IFT25: variants seen among roughly 807,000 people sequenced by gnomAD.
The protein encoded by IFT25 is intraflagellar transport protein 25 homolog.
the IFT25 span, among the ~76,000 whole-genome samples, chr1:53,917,885 C>T: frequency 4.6e-5 from 7 of 151,616 alleles, no homozygotes; most frequent in South Asian, 2.1e-4. Context: ...GCATCCATCA[C>T]GATCCACACA....
the IFT25 span, among the ~76,000 whole-genome samples, chr1:53,941,078 T>G: frequency 6.6e-6 from 1 of 152,104 alleles, no homozygotes; most frequent in Non-Finnish European, 1.5e-5. Context: ...CACTGCAACC[T>G]CTGCCTTCCG....
chr1:53,917,731 G>A, the IFT25 span, among the ~76,000 whole-genome samples: 2 of 152,084 alleles, frequency 1.3e-5, no homozygotes, highest in African/African-American at 4.8e-5. Flanking sequence ...GGAGGCTGAG[G>A]CAGGATAATT....
the IFT25 span, among the ~76,000 whole-genome samples, chr1:53,943,245 G>A: frequency 6.6e-6 from 1 of 152,144 alleles, no homozygotes; most frequent in Non-Finnish European, 1.5e-5. Context: ...ATGGAAGAAG[G>A]CAAAGAAATC....
the IFT25 span, chr1:53,928,661 A>G: frequency 9.0e-6 from 4 of 444,164 alleles, no homozygotes; most frequent in Non-Finnish European, 1.6e-5. Context: ...CATACAACAC[A>G]GAGCAAGTAG....
chr1:53,911,865 C>T, the IFT25 span, among the ~76,000 whole-genome samples: 1 of 152,178 alleles, frequency 6.6e-6, no homozygotes, highest in Non-Finnish European at 1.5e-5. Context: ...GCACTCAGAA[C>T]TGTGCCTGAC....
chr1:53,937,105 G>A, the IFT25 span, among the ~76,000 whole-genome samples: 12 of 152,140 alleles, frequency 7.9e-5, no homozygotes, highest in African/African-American at 1.4e-4. Context: ...TAAAGCAACT[G>A]TGAACAGAAA....
At chr1:53,942,426 G>A in the IFT25 span, among the ~76,000 whole-genome samples, 2 of 152,200 alleles carry the variant, frequency 1.3e-5, no homozygotes, top group Non-Finnish European at 2.9e-5. Flanking sequence ...TAACGTCCAT[G>A]AATTATATTG....
chr1:53,935,810 T>G, the IFT25 span, among the ~76,000 whole-genome samples: 1 of 152,154 alleles, frequency 6.6e-6, no homozygotes, highest in African/African-American at 2.4e-5. Flanking sequence ...TGGGTTTTTA[T>G]AAAATGCTTA....
the IFT25 span, among the ~76,000 whole-genome samples, chr1:53,941,289 G>A: frequency 1.3e-5 from 2 of 151,840 alleles, no homozygotes; most frequent in Admixed American, 6.6e-5. Context: ...CACCGCGCCC[G>A]GCTTGCACAG....
chr1:53,925,222 TTGA>T, the IFT25 span, among the ~76,000 whole-genome samples: 1 of 152,166 alleles, frequency 6.6e-6, no homozygotes, highest in African/African-American at 2.4e-5. Flanking sequence ...GAAATCCTAC[TTGA>T]TGGTTACATT....
the IFT25 span, among the ~76,000 whole-genome samples, chr1:53,914,864 A>C: frequency 3.9e-5 from 6 of 152,254 alleles, no homozygotes; most frequent in African/African-American, 9.6e-5. Context: ...ATGCTATAAA[A>C]AAAAATCTGT....
the IFT25 span, among the ~76,000 whole-genome samples, chr1:53,913,303 C>T: frequency 5.3e-5 from 8 of 152,162 alleles, no homozygotes; most frequent in Non-Finnish European, 1.0e-4. Flanking sequence ...ATTTTTCCCT[C>T]TGCCTGATCC....
chr1:53,911,944 C>T, the IFT25 span, among the ~76,000 whole-genome samples: 1 of 152,102 alleles, frequency 6.6e-6, no homozygotes, highest in South Asian at 2.1e-4. Context: ...CAACTGCTTC[C>T]TCGGGCCCTT....
At chr1:53,944,613 C>T in the IFT25 span, among the ~76,000 whole-genome samples, 1 of 152,208 alleles carries the variant, frequency 6.6e-6, no homozygotes, top group African/African-American at 2.4e-5. Context: ...CACTGCACTC[C>T]AGCGTGGGCG....
chr1:53,933,322 T>TA, the IFT25 span, among the ~76,000 whole-genome samples: 8 of 151,726 alleles, frequency 5.3e-5, no homozygotes, highest in Non-Finnish European at 1.0e-4. Flanking sequence ...TTTTAGTAGA[T>TA]ACGGGGTTTC....
At chr1:53,930,459 T>C in the IFT25 span, among the ~76,000 whole-genome samples, 6 of 152,200 alleles carry the variant, frequency 3.9e-5, no homozygotes, top group African/African-American at 1.4e-4. Context: ...CATTAAGTTA[T>C]AGTCTCTTCC....
chr1:53,912,081 G>C, the IFT25 span, among the ~76,000 whole-genome samples: 1 of 152,128 alleles, frequency 6.6e-6, no homozygotes, highest in Non-Finnish European at 1.5e-5. Context: ...AAAATGAGAA[G>C]CTGTGACAAT....
At chr1:53,931,936 A>G in the IFT25 span, among the ~76,000 whole-genome samples, 1 of 151,960 alleles carries the variant, frequency 6.6e-6, no homozygotes, top group Non-Finnish European at 1.5e-5. Flanking sequence ...AATTTAGATT[A>G]TTGGTTTTAC....
chr1:53,929,304 C>T, the IFT25 span, among the ~76,000 whole-genome samples: 3 of 152,332 alleles, frequency 2.0e-5, no homozygotes, highest in East Asian at 5.8e-4. Flanking sequence ...TCTCACAGAT[C>T]TCTGATAACA....
Sources: gnomAD v4.1 joint callset for allele counts (sites outside exome capture counted in the v4.1 genomes callset) on GRCh38, gnomAD v4.1.1 for gene constraint, MANE v1.5 for transcripts, NCBI Gene and HGNC (gene_info 2026-07-23, HGNC 2026-07-21) for gene names.